The following SMARCC2 variants were observed in gnomAD, a reference collection of about 807,000 sequenced individuals.
The protein encoded by SMARCC2 is SWI/SNF complex subunit SMARCC2.
A neutral mutation model predicts 151.3 loss-of-function variants in SMARCC2; 15 were observed. The ratio of observed to expected loss-of-function variants is 0.10; its 90% CI spans 0.07 to 0.15. The LOEUF is 0.15. Among genes scored for constraint, SMARCC2 ranks in the 10% least tolerant of loss-of-function variants. SMARCC2 has a pLI of 1.00. For missense variants in SMARCC2, 1,031 were observed against 1,599.7 expected (o/e 0.64, Z 6.06); for synonymous variants, 590 against 609.5 (o/e 0.97, Z 0.47).
Position 56,171,089 on chromosome 12 carries a change from T to C in SMARCC2, c.2347+182A>G, listed in dbSNP as rs944212645. ...GCAAAGATTTTTCTACCCAAAATCT[T>C]CATGAGAGGACTAGTAGGGCTCCAG... On this transcript the variant is annotated intron_variant, in intron 22 of 28. Transcript: ENST00000550164. The surrounding 1 kb of genome is among the most constrained non-coding windows in gnomAD (Gnocchi z 4.2). Among the ~76,000 whole-genome samples the C allele has an allele frequency of 6.6e-6, 1 of 152,170 alleles. No homozygotes were observed. Among genetic ancestry groups the C allele is most frequent in the African/African-American group, 2.4e-5 (1 of 41,430 alleles).
At position 56,187,184 on chromosome 12, in the gene SMARCC2, C is replaced by T; in HGVS notation, c.231+3G>A. ...CCACCCTCCCTGCTACTTCTGCACT[C>T]ACCGGCAGTTTAGTGAGCGGTGCAT... is the stretch of plus-strand genomic sequence containing the variant. On this transcript the variant is annotated splice_donor_region_variant and intron_variant, in intron 2 of 28. Coordinates refer to ENST00000550164, the MANE Select transcript of SMARCC2 (RefSeq NM_001330288.2). 1.2e-6 allele frequency: 2 copies of T among 1,613,574 alleles called. No homozygotes were observed. The highest frequency in any genetic ancestry group is 1.3e-5 in the African/African-American group (1 of 75,040).
rs1229956133 is a variant in SMARCC2 at position 56,171,950 on chromosome 12, G to A, written c.1927-13C>T. The A allele has an allele frequency of 5.7e-6, 9 of 1,590,980 alleles. No individual in the cohort carries two copies. The highest frequency in any genetic ancestry group is 7.7e-6 in the Non-Finnish European group (9 of 1,166,070). On this transcript the variant is annotated splice_polypyrimidine_tract_variant and intron_variant, in intron 20 of 28. Coordinates refer to ENST00000550164, the MANE Select transcript of SMARCC2 (RefSeq NM_001330288.2). This position sits in a 1 kb window ranked among gnomAD's most constrained non-coding sequence, Gnocchi z 4.2. ...ACATTTCCAGTGCCTGGTGGTAGTG[G>A]TGGAGACATAACTCCGCTTACTTAG...
chr12:56,181,643 T>A, intron 9 of SMARCC2, 46 bp from the exon 10 acceptor site: 1 of 1,612,788 alleles, frequency 6.2e-7, no homozygotes, highest in Non-Finnish European at 8.5e-7. Context: ...CAATCCCCAC[T>A]GAAGATTTGT....
At chr12:56,181,888 GT>G (rs1413347105) in intron 8 of SMARCC2, 53 bp from the exon 9 acceptor site, 2 of 1,611,726 alleles carry the variant, frequency 1.2e-6, no homozygotes, top group Non-Finnish European at 1.7e-6. Context: ...CCACAGCTCT[GT>G]CTGGGGACCC....
intron 27 of SMARCC2, among the ~76,000 whole-genome samples, chr12:56,164,967 T>C (rs546330433): frequency 6.6e-6 from 1 of 152,246 alleles, no homozygotes; most frequent in East Asian, 1.9e-4. Flanking sequence ...TTTGTATTTT[T>C]ACTAGAGACG....
At position 56,163,481 on chromosome 12, in the gene SMARCC2, C is replaced by T. The variant is rs1033186268; in HGVS notation, c.*208G>A. The stretch of plus-strand genomic sequence containing the variant: ...TATCCTCTCTCCCAGACATTATAAA[C>T]ATCTTTTAAACAGAAGTCCTTGAAT... On this transcript the variant is annotated 3_prime_UTR_variant, in exon 29 of 29. Transcript: ENST00000550164. 5.1e-6 allele frequency: 2 copies of T among 393,290 alleles called. No homozygotes were observed. The highest frequency in any genetic ancestry group is 7.6e-5 in the South Asian group (1 of 13,092). The allele number at this position is 393,290 out of a possible 1,614,324, so 24.4% of individuals were successfully genotyped here.
intron 26 of SMARCC2, among the ~76,000 whole-genome samples, chr12:56,166,596 T>C (rs561079026): frequency 6.0e-5 from 9 of 148,990 alleles, no homozygotes; most frequent in South Asian, 2.1e-4. Flanking sequence ...TTTTCTTCTT[T>C]TTTTTTTTTT....
At chr12:56,174,599 T>C in intron 16 of SMARCC2, 52 bp downstream of exon 16, 1 of 1,191,264 alleles carries the variant, frequency 8.4e-7, no homozygotes, top group South Asian at 1.2e-5. Context: ...CCAAAACACA[T>C]CCATAGGCAG....
In SMARCC2 at chr12:56,172,926, A is replaced by T; in HGVS notation, c.1743+11T>A. On this transcript the variant is annotated intron_variant, in intron 18 of 28. Transcript: ENST00000550164. ...AAATGAGCAGCCCAGCAGGGTCTGC[A>T]CCCCACCTACCAGCTCTGGCTTGCC... 6.2e-7 allele frequency: 1 copy of T among 1,611,824 alleles called. No homozygotes were observed. The highest frequency in any genetic ancestry group is 2.2e-5 in the East Asian group (1 of 44,868).
chr12:56,173,668 G>T, intron 17 of SMARCC2, 28 bp downstream of exon 17: 1 of 1,168,380 alleles, frequency 8.6e-7, no homozygotes, highest in Non-Finnish European at 1.2e-6. Context: ...TTCCCAACCC[G>T]CCCCATCCCC....
intron 26 of SMARCC2, among the ~76,000 whole-genome samples, chr12:56,166,599 T>C (rs1489070376): frequency 6.6e-6 from 1 of 151,542 alleles, no homozygotes; most frequent in African/African-American, 2.4e-5. Flanking sequence ...TCTTCTTTTT[T>C]TTTTTTTTGA....
At chr12:56,167,665 C>T (rs188694503) in intron 26 of SMARCC2, among the ~76,000 whole-genome samples, 32 of 152,168 alleles carry the variant, frequency 2.1e-4, no homozygotes, top group Non-Finnish European at 4.4e-4. Flanking sequence ...CTACTATGGG[C>T]CAAGCACTGT....
chr12:56,162,383 TAAAAA>T lies in SMARCC2; in HGVS notation c.*1301_*1305del, dbSNP rs1229464293. ...ATGGAACTGAAAGCAAATTAATTTATAAAAAAAAAAAAAAGAAAGAAAGAAAAAAA... is the reference window on the plus strand; with the variant it reads ...ATGGAACTGAAAGCAAATTAATTTATAAAAAAAAAGAAAGAAAGAAAAAAA... On this transcript the variant is annotated 3_prime_UTR_variant, in exon 29 of 29. Transcript: ENST00000550164. 2.9e-6 allele frequency: 1 copy of T among 342,868 alleles called. No individual in the cohort carries two copies. Among genetic ancestry groups the T allele is most frequent in the African/African-American group, 3.1e-5 (1 of 31,784 alleles). 21.2% of individuals were successfully genotyped at this position (342,868 alleles called of 1,614,324 possible). A position where few individuals can be genotyped will look rare whatever the true frequency, so the allele number is the denominator to read the frequency against.
At chr12:56,174,211 G>A (rs1281599855) in intron 16 of SMARCC2, among the ~76,000 whole-genome samples, 1 of 152,136 alleles carries the variant, frequency 6.6e-6, no homozygotes, top group African/African-American at 2.4e-5. Flanking sequence ...CAGGGCTCAG[G>A]GGATCCTCCC....
chr12:56,187,065 G>A (rs577997118), intron 2 of SMARCC2, 122 bp downstream of exon 2: 40 of 986,898 alleles, frequency 4.1e-5, no homozygotes, highest in Non-Finnish European at 5.9e-5. Context: ...GATAGGGATG[G>A]TGGAAAATAA....
At chr12:56,165,230 C>T in intron 27 of SMARCC2, 88 bp downstream of exon 27, 1 of 1,409,682 alleles carries the variant, frequency 7.1e-7, no homozygotes, top group Non-Finnish European at 9.2e-7. Flanking sequence ...ACCTCATCTC[C>T]ACACTCATCT....
rs2135756043 is a variant in SMARCC2, at chr12:56,186,226, T to C, written c.246A>G (p.Leu82=). The C allele has an allele frequency of 6.2e-7, 1 of 1,609,766 alleles. No homozygotes were observed. Among genetic ancestry groups the C allele is most frequent in the Non-Finnish European group, 8.5e-7 (1 of 1,176,048 alleles). ...ACAAGGAGCCTCCCGCTTTGAAATC[T>C]AGGAAACATTTGATCTACAAAATCA... ...PLTKLPIKCF[L]DFKAGGSLCH... is the part of the protein sequence containing the mutation. The change falls in exon 3 of 29, where the codon CTA becomes CTG. Residue 82 remains leucine, a synonymous_variant. Transcript: ENST00000550164.
Position 56,170,160 on chromosome 12 carries a change from T to C in SMARCC2, c.2396A>G (p.Glu799Gly), listed in dbSNP as rs1873644823. 6.2e-7 allele frequency: 1 copy of C among 1,613,818 alleles called. No homozygotes were observed. The highest frequency in any genetic ancestry group is 1.3e-5 in the African/African-American group (1 of 75,024). ...CCTCTATACCTTGGGCTCCTTCTTC[T>C]CATCTGTGGCCTGGCCTTCCACCCG... ...EARVEGQATD[E>G]KKEPKEPREG... is the part of the protein sequence containing the mutation. Residue 799 changes from glutamate to glycine, a missense_variant, in exon 23 of 29, where the codon GAG (glutamate) becomes GGG (glycine). By Grantham distance (98) the Glu-to-Gly change is moderately conservative. Coordinates refer to ENST00000550164, the MANE Select transcript of SMARCC2 (RefSeq NM_001330288.2).
At chr12:56,177,386 A>C (rs1027135169) in intron 15 of SMARCC2, among the ~76,000 whole-genome samples, 1 of 152,150 alleles carries the variant, frequency 6.6e-6, no homozygotes, top group African/African-American at 2.4e-5. Flanking sequence ...CTGGGACCAC[A>C]GGTATGCCCC....
Sources: gnomAD v4.1 joint callset for allele counts (sites outside exome capture counted in the v4.1 genomes callset) on GRCh38, gnomAD v4.1.1 for gene constraint, Gnocchi (gnomAD v3.1) non-coding constraint, MANE v1.5 for transcripts, NCBI Gene and HGNC (gene_info 2026-07-23, HGNC 2026-07-21) for gene names.